Variants in MDN1 observed in about 807,000 individuals in gnomAD.
MDN1 encodes the protein midasin.
A neutral mutation model predicts 669.2 loss-of-function variants in MDN1; 266 were observed. That is an observed-to-expected ratio of 0.40 (90% confidence interval 0.36 to 0.44). MDN1 has a LOEUF of 0.44. MDN1 is among the 20% of genes least tolerant of loss of function. The probability of loss-of-function intolerance (pLI) is 1.00; values close to 1 mark genes in which losing one functional copy is unlikely to be tolerated. For missense variants in MDN1, 5,940 were observed against 6,754.0 expected (o/e 0.88, Z 4.22); for synonymous variants, 2,385 against 2,457.1 (o/e 0.97, Z 0.87).
intron 49 of MDN1, 21 bp from the exon 50 acceptor site, chr6:89,710,815 AGT>A (rs771125738): frequency 1.4e-6 from 2 of 1,417,466 alleles, no homozygotes; most frequent in Admixed American, 3.5e-5. Context: ...AGGAGAAACC[AGT>A]GTTAGACTCT....
intron 1 of MDN1, among the ~76,000 whole-genome samples, chr6:89,808,266 G>A (rs755154557): frequency 6.6e-6 from 1 of 152,078 alleles, no homozygotes; most frequent in African/African-American, 2.4e-5. Flanking sequence ...ATCGGATGCT[G>A]AACGTTGTAG....
intron 62 of MDN1, 139 bp downstream of exon 62, chr6:89,693,935 G>A (rs1458970403): frequency 2.9e-6 from 2 of 701,694 alleles, no homozygotes; most frequent in Non-Finnish European, 4.9e-6. Context: ...TATTTTTCCT[G>A]ACTATAAACA....
In MDN1 at chr6:89,727,901, C is replaced by G. The variant is rs1453988414; in HGVS notation, c.5404G>C (p.Glu1802Gln). Residue 1802 changes from glutamate (E) to glutamine (Q), a missense_variant, in exon 37 of 102, where the codon GAG becomes CAG. Coordinates refer to ENST00000369393, the MANE Select transcript of MDN1 (RefSeq NM_014611.3). The stretch of plus-strand genomic sequence containing the variant: ...AAGGGGCCATCACGCCAGGCAAACT[C>G]TCCTCCCTTGCCACCTTCAACAGGT... ...DLPVEGGKGG[E>Q]FAWRDGPLLA... The G allele has an allele frequency of 1.2e-6, 2 of 1,614,046 alleles. No individual in the cohort carries two copies. Among genetic ancestry groups the G allele is most frequent in the Non-Finnish European group, 8.5e-7 (1 of 1,179,958 alleles).
intron 17 of MDN1, among the ~76,000 whole-genome samples, chr6:89,760,542 C>T (rs1817489481): frequency 6.6e-6 from 1 of 152,062 alleles, no homozygotes; most frequent in Non-Finnish European, 1.5e-5. Context: ...TTCATTGCAC[C>T]ACTATGCACA....
chr6:89,763,498 G>A (rs1453843228), intron 15 of MDN1, among the ~76,000 whole-genome samples: 2 of 152,054 alleles, frequency 1.3e-5, no homozygotes, highest in Non-Finnish European at 2.9e-5. Context: ...TTTGGGGGAG[G>A]TAAGAGATAA....
chr6:89,743,037 A>G, intron 31 of MDN1, 113 bp downstream of exon 31: 1 of 1,301,598 alleles, frequency 7.7e-7, no homozygotes, highest in Non-Finnish European at 1.1e-6. Context: ...AACTATGATC[A>G]TGACACGGCA....
intron 33 of MDN1, among the ~76,000 whole-genome samples, chr6:89,735,889 A>G (rs2128316080): frequency 6.6e-6 from 1 of 152,234 alleles, no homozygotes; most frequent in East Asian, 1.9e-4. Flanking sequence ...GCGTTGTGGC[A>G]CATGCCTGTA....
chr6:89,682,280 G>A (rs1472863948), intron 73 of MDN1, among the ~76,000 whole-genome samples: 2 of 152,226 alleles, frequency 1.3e-5, no homozygotes. Context: ...GCTCATAGCA[G>A]ATGAAATGTT....
At chr6:89,684,732 T>C (rs1472988268) in intron 71 of MDN1, 144 bp downstream of exon 71, 2 of 559,524 alleles carry the variant, frequency 3.6e-6, no homozygotes, top group Non-Finnish European at 6.4e-6. Context: ...CCGATGTACA[T>C]ATTGCCATCC....
At position 89,648,133 on chromosome 6, in the gene MDN1, C is replaced by T. The variant is rs1808603190; in HGVS notation, c.16294G>A (p.Val5432Ile). The part of the protein sequence containing the change: ...QIAVCSFGES[V>I]KLLHPFHEQF... Reference sequence around the variant, plus strand: ...TCATGAAATGGGTGTAACAGCTTTACAGATTCTCCAAAACTTGGGGGAGGA... The same window carrying T: ...TCATGAAATGGGTGTAACAGCTTTATAGATTCTCCAAAACTTGGGGGAGGA... The change falls in exon 99 of 102, where the codon GTA (valine) becomes ATA (isoleucine). Residue 5432 changes from valine to isoleucine, a missense_variant. Transcript: ENST00000369393. 9 of 1,613,908 alleles carry T rather than the reference C, an allele frequency of 5.6e-6. No individual in the cohort carries two copies. Among genetic ancestry groups the T allele is most frequent in the Non-Finnish European group, 5.9e-6 (7 of 1,179,794 alleles).
Position 89,676,145 on chromosome 6 carries a change from G to T in MDN1, c.12602C>A (p.Ala4201Glu). 1 of 1,614,184 alleles carries T rather than the reference G, an allele frequency of 6.2e-7. No homozygotes were observed. Among genetic ancestry groups the T allele is most frequent in the Non-Finnish European group, 8.5e-7 (1 of 1,180,044 alleles). The change falls in exon 77 of 102, where the codon GCA (alanine) becomes GAA (glutamate). Residue 4201 changes from alanine (A) to glutamate (E), a missense_variant. Transcript: ENST00000369393. ...TGCTGCGTTAAGCCTGGCATGCCGT[G>T]CAAGAGAGCGATAAAAATACTTCTG... Reference protein sequence around the residue: ...GCQKYFYRSLARHARLNAALA... With the variant: ...GCQKYFYRSLERHARLNAALA...
intron 36 of MDN1, among the ~76,000 whole-genome samples, 177 bp from the exon 37 acceptor site, chr6:89,728,132 C>T (rs1321123922): frequency 2.0e-5 from 3 of 152,020 alleles, no homozygotes; most frequent in African/African-American, 4.8e-5. Context: ...AACATGCCCC[C>T]AAGAACTTTC....
intron 19 of MDN1, among the ~76,000 whole-genome samples, chr6:89,756,974 T>C (rs1584324962): frequency 6.6e-6 from 1 of 151,578 alleles, no homozygotes; most frequent in Admixed American, 6.6e-5. Context: ...TTTTCAAGTG[T>C]TTTTTATCAT....
chr6:89,756,429 AAT>A (rs761709752), intron 19 of MDN1, 39 bp from the exon 20 acceptor site: 1 of 976,420 alleles, frequency 1.0e-6, no homozygotes, highest in Non-Finnish European at 1.6e-6. Flanking sequence ...TTAGGAAGTT[AAT>A]ATAACTATGT....
chr6:89,645,855 T>G (rs1808458424), intron 100 of MDN1, among the ~76,000 whole-genome samples: 1 of 152,248 alleles, frequency 6.6e-6, no homozygotes, highest in Non-Finnish European at 1.5e-5. Flanking sequence ...CATGATACAC[T>G]GAGAACAGTG....
rs1226506641 is a variant in MDN1 at position 89,793,760 on chromosome 6, AC to A, written c.855+1del. 1 of 1,612,770 alleles carries A rather than the reference AC, an allele frequency of 6.2e-7. No individual in the cohort carries two copies. Among genetic ancestry groups the A allele is most frequent in the Admixed American group, 1.7e-5 (1 of 59,908 alleles). ...ACACACCCCCTACTGATACCAACAT[AC>A]CAGCTCTCCAGGGGCTGGCAGCTGC... On this transcript the variant is annotated splice_donor_variant, in intron 5 of 101. Coordinates refer to ENST00000369393, the MANE Select transcript of MDN1 (RefSeq NM_014611.3). LOFTEE classifies it high-confidence loss of function.
chr6:89,719,900 T>C (rs1814698145), intron 40 of MDN1, among the ~76,000 whole-genome samples: 1 of 152,244 alleles, frequency 6.6e-6, no homozygotes, highest in Non-Finnish European at 1.5e-5. Flanking sequence ...GTAATGCTAT[T>C]AGAAAATGTT....
chr6:89,723,446 T>C (rs1015831664), intron 39 of MDN1, 66 bp downstream of exon 39: 3 of 995,676 alleles, frequency 3.0e-6, no homozygotes, highest in Non-Finnish European at 1.5e-6. Context: ...TAGAACTCTA[T>C]GTTGAAAAAA....
intron 1 of MDN1, among the ~76,000 whole-genome samples, chr6:89,810,238 C>T (rs889237003): frequency 1.1e-4 from 16 of 151,544 alleles, no homozygotes; most frequent in Non-Finnish European, 1.5e-4. Context: ...GAGTTCGAGA[C>T]CAGCCTGAGC....
Sources: gnomAD v4.1 joint callset for allele counts (sites outside exome capture counted in the v4.1 genomes callset) on GRCh38, gnomAD v4.1.1 for gene constraint, MANE v1.5 for transcripts, NCBI Gene and HGNC (gene_info 2026-07-23, HGNC 2026-07-21) for gene names.